Variants in SEMA3D observed in about 807,000 individuals in gnomAD.
The protein encoded by SEMA3D is semaphorin-3D.
SEMA3D carries 84 observed loss-of-function variants against 100.1 expected under a neutral mutation model. That is an observed-to-expected ratio of 0.84 (90% CI 0.70 to 1.01). The LOEUF (loss-of-function observed/expected upper bound fraction) is 1.01, where lower values mean the gene tolerates loss of function less well. Ranked by LOEUF, SEMA3D falls within the 50% of genes least tolerant of loss-of-function variation. SEMA3D has a pLI of 0.00. For missense variants in SEMA3D, 875 were observed against 934.1 expected (o/e 0.94, Z 0.82); for synonymous variants, 312 against 320.7 (o/e 0.97, Z 0.29).
At chr7:85,121,958 T>A (rs75592331) in intron 2 of SEMA3D, 27 bp from the exon 3 acceptor site, 3 of 1,042,014 alleles carry the variant, frequency 2.9e-6, no homozygotes, top group Non-Finnish European at 4.1e-6. Context: ...AAAAAAAAAC[T>A]ATTAAGGTAT....
intron 1 of SEMA3D, chr7:85,167,265 C>T: frequency 1.0e-6 from 1 of 984,876 alleles, no homozygotes; most frequent in African/African-American, 1.7e-5. Flanking sequence ...GAGGTCTTGG[C>T]TGGTTAAATA....
chr7:85,196,145 T>C, the SEMA3D span, among the ~76,000 whole-genome samples: 118 of 152,250 alleles, frequency 7.8e-4, no homozygotes, highest in African/African-American at 2.3e-3. Context: ...AGCAGCTTTT[T>C]CCCCCGCAAC....
At position 85,159,855 on chromosome 7, in the gene SEMA3D, A is replaced by G. The variant is rs535923142; in HGVS notation, c.-172-6116T>C. On this transcript the variant is annotated intron_variant, in intron 1 of 18. Transcript: ENST00000284136. The stretch of plus-strand genomic sequence containing the variant: ...ACTGTCCTGCAGATAGTAGGATTTC[A>G]GTAACCATTATATGACTGGAGGAAG... 7 of 985,126 alleles carry G rather than the reference A, an allele frequency of 7.1e-6. No homozygotes were observed. In the South Asian group the frequency reaches 3.3e-4, roughly 46 times the overall value. 61.0% of individuals were successfully genotyped at this position (985,126 alleles called of 1,614,324 possible).
rs374231877 is a variant in SEMA3D, at chr7:84,999,183, A to G, written c.*257T>C. On this transcript the variant is annotated 3_prime_UTR_variant, in exon 19 of 19. Coordinates refer to ENST00000284136, the MANE Select transcript of SEMA3D (RefSeq NM_001384900.1). ...ATAAATTCCAAAACTCAAAACATAA[A>G]ACATTTACAACTGTAAACCCCCTAT... 6 of 469,302 alleles carry G rather than the reference A, an allele frequency of 1.3e-5. No homozygotes were observed. The highest frequency in any genetic ancestry group is 7.8e-5 in the African/African-American group (4 of 51,370). 29.1% of individuals were successfully genotyped at this position (469,302 alleles called of 1,614,324 possible).
intron 9 of SEMA3D, among the ~76,000 whole-genome samples, chr7:85,047,102 T>C (rs1055744782): frequency 5.9e-5 from 9 of 151,858 alleles, no homozygotes; most frequent in Admixed American, 2.6e-4. Flanking sequence ...GGTGCCTGTT[T>C]TCCTGTACTT....
intron 1 of SEMA3D, among the ~76,000 whole-genome samples, chr7:85,182,308 A>G (rs1791431883): frequency 6.6e-6 from 1 of 152,116 alleles, no homozygotes; most frequent in African/African-American, 2.4e-5. Flanking sequence ...ACAATTTTTT[A>G]TGAGGGGTAA....
At chr7:85,177,532 G>C (rs186400251) in intron 1 of SEMA3D, among the ~76,000 whole-genome samples, 1 of 152,120 alleles carries the variant, frequency 6.6e-6, no homozygotes, top group Non-Finnish European at 1.5e-5. Context: ...CACTGATGTT[G>C]TGTCTTGTCA....
intron 1 of SEMA3D, chr7:85,162,951 A>T: frequency 2.4e-6 from 1 of 418,010 alleles, no homozygotes; most frequent in Non-Finnish European, 3.2e-6. Context: ...TGAGTCAGCG[A>T]CTGAATGTCA....
chr7:85,023,734 G>A (rs1455650228), intron 12 of SEMA3D, among the ~76,000 whole-genome samples: 1 of 151,844 alleles, frequency 6.6e-6, no homozygotes, highest in Non-Finnish European at 1.5e-5. Context: ...TTAGGGAGCT[G>A]AAGATACTAG....
At chr7:85,208,384 TAG>T in the SEMA3D span, among the ~76,000 whole-genome samples, 5 of 152,184 alleles carry the variant, frequency 3.3e-5, no homozygotes, top group African/African-American at 1.2e-4. Flanking sequence ...AAAGAAGCTC[TAG>T]TGTTCAGAAA....
chr7:85,076,818 G>A (rs1481660603), intron 5 of SEMA3D, among the ~76,000 whole-genome samples: 1 of 152,124 alleles, frequency 6.6e-6, no homozygotes, highest in Non-Finnish European at 1.5e-5. Flanking sequence ...AAATAGGGCT[G>A]TGCGCGGTGG....
the SEMA3D span, among the ~76,000 whole-genome samples, chr7:85,205,044 T>C: frequency 6.6e-6 from 1 of 152,168 alleles, no homozygotes; most frequent in Admixed American, 6.6e-5. Flanking sequence ...TTAGATATTT[T>C]AAGCATTTTT....
chr7:85,226,580 TGTG>T, the SEMA3D span, among the ~76,000 whole-genome samples: 1 of 152,188 alleles, frequency 6.6e-6, no homozygotes, highest in Non-Finnish European at 1.5e-5. Context: ...TTGTGGTACT[TGTG>T]GTAACAACAG....
At chr7:85,125,385 C>A (rs1279716626) in intron 2 of SEMA3D, among the ~76,000 whole-genome samples, 1 of 152,002 alleles carries the variant, frequency 6.6e-6, no homozygotes, top group Non-Finnish European at 1.5e-5. Context: ...TGCCCTGTGC[C>A]TCTAACATCG....
At chr7:85,090,740 T>C (rs1452938891) in intron 4 of SEMA3D, among the ~76,000 whole-genome samples, 2 of 152,148 alleles carry the variant, frequency 1.3e-5, no homozygotes, top group African/African-American at 4.8e-5. Context: ...TTTTTGCTTA[T>C]ACTTAATATC....
chr7:85,151,430 T>C (rs1380890670), intron 2 of SEMA3D, among the ~76,000 whole-genome samples: 1 of 152,076 alleles, frequency 6.6e-6, no homozygotes, highest in African/African-American at 2.4e-5. Flanking sequence ...AACAGTGTGA[T>C]ACTCTTAAAA....
intron 1 of SEMA3D, among the ~76,000 whole-genome samples, chr7:85,183,810 C>T (rs1791465655): frequency 6.6e-6 from 1 of 152,144 alleles, no homozygotes. Flanking sequence ...CTCAGAACAT[C>T]AACAGGAAAG....
At chr7:85,050,552 T>C (rs1408790222) in intron 9 of SEMA3D, 4 of 364,288 alleles carry the variant, frequency 1.1e-5, no homozygotes, top group Non-Finnish European at 2.0e-5. Flanking sequence ...AGGCACTTAT[T>C]CGCCTCAGGC....
chr7:85,231,156 T>C, the SEMA3D span, among the ~76,000 whole-genome samples: 2 of 152,180 alleles, frequency 1.3e-5, no homozygotes, highest in Non-Finnish European at 2.9e-5. Flanking sequence ...GTCTTAAAAG[T>C]AGACAGTGCC....
Sources: gnomAD v4.1 joint callset for allele counts (sites outside exome capture counted in the v4.1 genomes callset) on GRCh38, gnomAD v4.1.1 for gene constraint, MANE v1.5 for transcripts, NCBI Gene and HGNC (gene_info 2026-07-23, HGNC 2026-07-21) for gene names.